The following RIMS1 variants were observed in gnomAD, a reference collection of about 807,000 sequenced individuals.
The protein encoded by RIMS1 is regulating synaptic membrane exocytosis protein 1.
In RIMS1, 83 loss-of-function variants were observed where a neutral mutation model predicts 214.1. The ratio of observed to expected loss-of-function variants is 0.39; its 90% CI spans 0.32 to 0.47. The LOEUF (loss-of-function observed/expected upper bound fraction) is 0.47. Among genes scored for constraint, RIMS1 ranks in the 20% least tolerant of loss-of-function variants. The pLI is 0.99. For missense variants in RIMS1, 2,050 were observed against 2,161.8 expected (o/e 0.95, Z 1.03); for synonymous variants, 793 against 786.8 (o/e 1.01, Z -0.13).
chr6:72,338,354 T>C (rs1462931857), intron 29 of RIMS1, among the ~76,000 whole-genome samples: 1 of 151,988 alleles, frequency 6.6e-6, no homozygotes, highest in Non-Finnish European at 1.5e-5. Context: ...ATGGTGAGCA[T>C]TTTTTCATGT....
chr6:72,261,399 G>A, intron 19 of RIMS1: 1 of 985,606 alleles, frequency 1.0e-6, no homozygotes, highest in Non-Finnish European at 1.2e-6. Context: ...TGCCTCTTTA[G>A]AAGCGACAAA....
Position 72,234,015 on chromosome 6 carries a change from T to A in RIMS1, c.1746+175T>A, listed in dbSNP as rs558447147. Among the ~76,000 whole-genome samples the A allele has an allele frequency of 1.9e-3, 283 of 152,122 alleles. 2 individuals carry two copies. Among genetic ancestry groups the A allele is most frequent in the African/African-American group, 6.3e-3 (262 of 41,550 alleles). On this transcript the variant is annotated intron_variant, in intron 7 of 33. Coordinates refer to ENST00000521978, the MANE Select transcript of RIMS1 (RefSeq NM_014989.7). The stretch of plus-strand genomic sequence containing the variant: ...GTTATTACTGGATAATTATAACAAA[T>A]TTTAAATTAAGTAAAAAACAATTAT...
At chr6:72,340,559 T>C (rs1014719440) in intron 29 of RIMS1, among the ~76,000 whole-genome samples, 3 of 152,146 alleles carry the variant, frequency 2.0e-5, no homozygotes, top group African/African-American at 4.8e-5. Context: ...CCCCATTTCT[T>C]GTTTTTGTCA....
intron 2 of RIMS1, among the ~76,000 whole-genome samples, chr6:71,974,116 C>A (rs1275696420): frequency 6.6e-6 from 1 of 152,060 alleles, no homozygotes; most frequent in African/African-American, 2.4e-5. Flanking sequence ...GGATTGATCA[C>A]CTTAAGGAAC....
At chr6:72,096,355 A>G (rs551121838) in intron 2 of RIMS1, among the ~76,000 whole-genome samples, 11 of 152,326 alleles carry the variant, frequency 7.2e-5, no homozygotes, top group African/African-American at 2.2e-4. Context: ...ACTTGATCCC[A>G]AATAGATAAG....
chr6:71,896,610 T>G (rs182926722), intron 1 of RIMS1, among the ~76,000 whole-genome samples: 338 of 152,250 alleles, frequency 2.2e-3, no homozygotes, highest in Non-Finnish European at 3.7e-3. Flanking sequence ...CTAGTAAGGT[T>G]GTGCAAATTA....
At chr6:72,023,424 G>A (rs758657179) in intron 2 of RIMS1, among the ~76,000 whole-genome samples, 2 of 152,030 alleles carry the variant, frequency 1.3e-5, no homozygotes, top group Non-Finnish European at 2.9e-5. Context: ...TTTTGTAGTT[G>A]TAGGGTTTTT....
Position 72,367,905 on chromosome 6 carries a change from T to A in RIMS1, c.4367-22693T>A, listed in dbSNP as rs145371899. Reference sequence around the variant, plus strand: ...CTTGTGTTTTATTTATATATTTTTTTATATTCTGAGTAATACTTGTATTAA... The same window carrying A: ...CTTGTGTTTTATTTATATATTTTTTAATATTCTGAGTAATACTTGTATTAA... On this transcript the variant is annotated intron_variant, in intron 29 of 33. Transcript: ENST00000521978. 2.0e-5 allele frequency among the ~76,000 whole-genome samples: 3 copies of A among 152,316 alleles called. No homozygotes were observed. In the East Asian group the frequency reaches 5.8e-4, roughly 29 times the overall value.
At chr6:72,229,645 T>G (rs1443927477) in intron 6 of RIMS1, among the ~76,000 whole-genome samples, 5 of 151,830 alleles carry the variant, frequency 3.3e-5, no homozygotes, top group African/African-American at 1.2e-4. Flanking sequence ...ACTTTTCCAT[T>G]GCAGGCATGG....
intron 2 of RIMS1, among the ~76,000 whole-genome samples, chr6:72,024,923 T>TTTTTTTTTTTTTTTTTTTTG (rs58179503): frequency 6.8e-6 from 1 of 146,754 alleles, no homozygotes; most frequent in African/African-American, 2.5e-5. Context: ...TTTTTTTTTT[T>TTTTTTTTTTTTTTTTTTTTG]GAGGCAGAGT....
At chr6:72,112,954 G>C (rs1291502731) in intron 4 of RIMS1, among the ~76,000 whole-genome samples, 1 of 152,132 alleles carries the variant, frequency 6.6e-6, no homozygotes, top group Non-Finnish European at 1.5e-5. Context: ...TTCTGAGTTT[G>C]TGGAGTCAGC....
At chr6:72,226,123 G>T (rs556443070) in intron 6 of RIMS1, among the ~76,000 whole-genome samples, 1 of 152,018 alleles carries the variant, frequency 6.6e-6, no homozygotes, top group African/African-American at 2.4e-5. Context: ...GCACTAAGTT[G>T]TGTGCGCATG....
intron 2 of RIMS1, among the ~76,000 whole-genome samples, chr6:72,010,799 C>A (rs572435876): frequency 2.0e-5 from 3 of 152,212 alleles, no homozygotes; most frequent in Admixed American, 6.5e-5. Context: ...TCAAGGAGAA[C>A]TACAAACCAC....
At chr6:72,284,920 C>A (rs17727925) in intron 24 of RIMS1, among the ~76,000 whole-genome samples, 1 of 151,958 alleles carries the variant, frequency 6.6e-6, no homozygotes, top group Non-Finnish European at 1.5e-5. Context: ...ACAGATGTCC[C>A]TTGAGCTAAA....
chr6:71,943,219 A>C (rs1786728672), intron 1 of RIMS1, among the ~76,000 whole-genome samples: 1 of 152,190 alleles, frequency 6.6e-6, no homozygotes, highest in Non-Finnish European at 1.5e-5. Context: ...AATTTTAACT[A>C]TAATTTTCTA....
rs148358491 is a variant in RIMS1, at chr6:72,266,961, A to C, written c.3398+912A>C. Among the ~76,000 whole-genome samples the C allele has an allele frequency of 5.1e-3, 782 of 152,198 alleles. 1 individual carries two copies. The highest frequency in any genetic ancestry group is 8.8e-3 in the Non-Finnish European group (601 of 67,970). On this transcript the variant is annotated intron_variant, in intron 22 of 33. Transcript: ENST00000521978. Reference sequence around the variant, plus strand: ...GCTACTTAAAGCTTTTCTTTAGGTAACTTTCTAATCTGAGTCTATTCATTT... The same window carrying C: ...GCTACTTAAAGCTTTTCTTTAGGTACCTTTCTAATCTGAGTCTATTCATTT...
At chr6:71,899,512 A>T (rs1055248045) in intron 1 of RIMS1, among the ~76,000 whole-genome samples, 2 of 152,008 alleles carry the variant, frequency 1.3e-5, no homozygotes, top group Admixed American at 1.3e-4. Context: ...ACATATATAT[A>T]TATACTCTCA....
chr6:71,955,356 G>A (rs766430162), intron 1 of RIMS1, among the ~76,000 whole-genome samples: 7 of 151,934 alleles, frequency 4.6e-5, no homozygotes, highest in Non-Finnish European at 8.8e-5. Context: ...TAGTAGAAAC[G>A]GGGTTTCACC....
intron 4 of RIMS1, among the ~76,000 whole-genome samples, chr6:72,120,380 T>C (rs886327643): frequency 1.3e-5 from 2 of 151,964 alleles, no homozygotes; most frequent in Admixed American, 1.3e-4. Context: ...ATTGTGGTTT[T>C]GATTTGCATT....
Sources: allele counts gnomAD v4.1 joint callset (sites outside exome capture counted in the v4.1 genomes callset), GRCh38; gene constraint gnomAD v4.1.1; transcripts MANE v1.5; gene names NCBI Gene and HGNC (gene_info 2026-07-23, HGNC 2026-07-21).